FBN1: variants seen among roughly 807,000 people sequenced by gnomAD.
FBN1 encodes fibrillin 1, also known as fibrillin-1.
Under a neutral mutation model 365.1 loss-of-function variants are expected in FBN1, and 29 were observed. The observed-to-expected ratio is 0.08, with a 90% CI of 0.06 to 0.11. The LOEUF is 0.11. Among genes scored for constraint, FBN1 ranks in the 10% least tolerant of loss-of-function variants. The pLI, the probability that FBN1 is intolerant of heterozygous loss-of-function variation, is 1.00. For synonymous variants in FBN1, 1,210 were observed against 1,270.5 expected (o/e 0.95, Z 1.01); for missense variants, 2,476 against 3,703.2 (o/e 0.67, Z 8.60).
chr15:48,437,675 T>C (rs1345443898), intron 51 of FBN1, 93 bp downstream of exon 51: 6 of 1,270,540 alleles, frequency 4.7e-6, no homozygotes, highest in Non-Finnish European at 5.6e-6. Flanking sequence ...TAAATTAAAT[T>C]GTGTTACTGT....
At position 48,592,267 on chromosome 15, in the gene FBN1, C is replaced by T. The variant is rs1239889547; in HGVS notation, c.538+4016G>A. ...AGCCTATTCATCATCACACCCCACC[C>T]CCATCTCCAAGTTCAGGTCTATCTC... On this transcript the variant is annotated intron_variant, in intron 6 of 65. Coordinates refer to ENST00000316623, the MANE Select transcript of FBN1 (RefSeq NM_000138.5). Among the ~76,000 whole-genome samples, 4 of 152,104 alleles carry T rather than the reference C, an allele frequency of 2.6e-5. No individual in the cohort carries two copies. In the South Asian group the frequency reaches 8.3e-4, roughly 32 times the overall value.
At chr15:48,481,532 G>T in intron 32 of FBN1, 123 bp downstream of exon 32, 1 of 1,063,206 alleles carries the variant, frequency 9.4e-7, no homozygotes, top group Non-Finnish European at 1.3e-6. Flanking sequence ...AATGAAAAAT[G>T]TTATGCAAAA....
chr15:48,416,155 G>A (rs2042902096), intron 63 of FBN1, among the ~76,000 whole-genome samples: 1 of 152,178 alleles, frequency 6.6e-6, no homozygotes, highest in Non-Finnish European at 1.5e-5. Context: ...TAGGGTTCAA[G>A]GGGGGAGGAA....
At chr15:48,544,612 C>T (rs971919250) in intron 6 of FBN1, among the ~76,000 whole-genome samples, 1 of 152,178 alleles carries the variant, frequency 6.6e-6, no homozygotes, top group African/African-American at 2.4e-5. Context: ...AAGCAATTCA[C>T]CAAAATCCAG....
intron 6 of FBN1, among the ~76,000 whole-genome samples, chr15:48,581,117 A>G (rs2044388667): frequency 6.6e-6 from 1 of 152,200 alleles, no homozygotes; most frequent in South Asian, 2.1e-4. Context: ...TGCCAGATCC[A>G]TTCTTTAATT....
intron 17 of FBN1, among the ~76,000 whole-genome samples, chr15:48,499,825 T>C (rs1474542211): frequency 6.6e-6 from 1 of 152,184 alleles, no homozygotes; most frequent in Non-Finnish European, 1.5e-5. Context: ...TCCCCTTAAG[T>C]TGCCAATGGT....
At chr15:48,554,225 C>G (rs2044163508) in intron 6 of FBN1, among the ~76,000 whole-genome samples, 1 of 152,200 alleles carries the variant, frequency 6.6e-6, no homozygotes, top group African/African-American at 2.4e-5. Flanking sequence ...GATGGAACGA[C>G]AATCTACATC....
chr15:48,416,008 C>T (rs1419051501), intron 63 of FBN1, among the ~76,000 whole-genome samples: 2 of 152,126 alleles, frequency 1.3e-5, no homozygotes, highest in African/African-American at 2.4e-5. Flanking sequence ...GTCAAATGCA[C>T]CAGGCAGAGG....
chr15:48,539,721 C>G (rs1443403543), intron 6 of FBN1, among the ~76,000 whole-genome samples: 1 of 151,998 alleles, frequency 6.6e-6, no homozygotes, highest in Non-Finnish European at 1.5e-5. Flanking sequence ...CCTCTGTGTC[C>G]CTCTTCTCTG....
rs1412125032 is a variant in FBN1 at position 48,483,948 on chromosome 15, A to G, written c.3713-5T>C. 6.2e-7 allele frequency: 1 copy of G among 1,612,228 alleles called. No individual in the cohort carries two copies. The highest frequency in any genetic ancestry group is 8.5e-7 in the Non-Finnish European group (1 of 1,179,920). On this transcript the variant is annotated splice_polypyrimidine_tract_variant and splice_region_variant and intron_variant, in intron 30 of 65. Coordinates refer to ENST00000316623, the MANE Select transcript of FBN1 (RefSeq NM_000138.5). ...TATCTTCACACTCATCGATGTCTGC[A>G]AAGAATAAAACCAACAACCACAGGT...
chr15:48,512,348 T>C (rs866574369), intron 13 of FBN1, among the ~76,000 whole-genome samples: 2 of 152,200 alleles, frequency 1.3e-5, no homozygotes, highest in African/African-American at 4.8e-5. Context: ...CTTTTAAGTT[T>C]AGGGATACAT....
intron 42 of FBN1, among the ~76,000 whole-genome samples, chr15:48,460,750 T>C (rs1006914042): frequency 6.6e-6 from 1 of 152,170 alleles, no homozygotes; most frequent in Non-Finnish European, 1.5e-5. Context: ...CTAGCCACAT[T>C]CTTGACATCA....
intron 6 of FBN1, among the ~76,000 whole-genome samples, chr15:48,563,260 CT>C (rs1293187450): frequency 2.0e-5 from 3 of 152,058 alleles, no homozygotes; most frequent in African/African-American, 7.2e-5. Flanking sequence ...GAGAAAGAGA[CT>C]TTTAGGTAAA....
chr15:48,604,345 C>T (rs1433332165), intron 4 of FBN1, among the ~76,000 whole-genome samples: 4 of 152,170 alleles, frequency 2.6e-5, no homozygotes, highest in African/African-American at 9.7e-5. Flanking sequence ...AAAGCACAGA[C>T]AGACAAATTA....
At chr15:48,627,524 G>C (rs1037445535) in intron 2 of FBN1, among the ~76,000 whole-genome samples, 2 of 152,168 alleles carry the variant, frequency 1.3e-5, no homozygotes, top group Non-Finnish European at 2.9e-5. Flanking sequence ...GGTGTGGCTT[G>C]TCTTTTGAAA....
chr15:48,525,046 T>C lies in FBN1; in HGVS notation c.988+1084A>G, dbSNP rs140494709. Among the ~76,000 whole-genome samples, 691 of 152,266 alleles carry C rather than the reference T, an allele frequency of 4.5e-3. 3 individuals are homozygous for C. The highest frequency in any genetic ancestry group is 0.016 in the African/African-American group (666 of 41,546). ...ATTTTAATCTAGAACACTGCACTTT[T>C]AAAGAAGTCTTAACAATTATTAAAT... is the stretch of plus-strand genomic sequence containing the variant. On this transcript the variant is annotated intron_variant, in intron 9 of 65. Coordinates refer to ENST00000316623, the MANE Select transcript of FBN1 (RefSeq NM_000138.5).
chr15:48,448,678 A>G, intron 46 of FBN1, 90 bp downstream of exon 46: 1 of 1,299,162 alleles, frequency 7.7e-7, no homozygotes, highest in Non-Finnish European at 1.1e-6. Flanking sequence ...AAATACTACT[A>G]AAAGACTTAG....
At chr15:48,595,364 T>A (rs1241190809) in intron 6 of FBN1, among the ~76,000 whole-genome samples, 1 of 152,196 alleles carries the variant, frequency 6.6e-6, no homozygotes, top group Non-Finnish European at 1.5e-5. Context: ...TTACTGCAGT[T>A]TAAAAGTTCA....
intron 6 of FBN1, among the ~76,000 whole-genome samples, chr15:48,566,570 A>G (rs1410904010): frequency 2.6e-5 from 4 of 152,240 alleles, no homozygotes; most frequent in Non-Finnish European, 4.4e-5. Context: ...TTTTAACATT[A>G]TGTTAAGAAC....
Sources: gnomAD v4.1 joint callset for allele counts (sites outside exome capture counted in the v4.1 genomes callset) on GRCh38, gnomAD v4.1.1 for gene constraint, MANE v1.5 for transcripts, NCBI Gene and HGNC (gene_info 2026-07-23, HGNC 2026-07-21) for gene names.